Variants in PDE4D observed in about 807,000 individuals in gnomAD.
PDE4D encodes 3',5'-cyclic-AMP phosphodiesterase 4D.
In PDE4D, 24 loss-of-function variants were observed where a neutral mutation model predicts 87.4. The observed-to-expected ratio is 0.27, with a 90% confidence interval of 0.20 to 0.39. PDE4D has a LOEUF of 0.39. PDE4D is among the 10% of genes least tolerant of loss of function. The pLI is 1.00. For synonymous variants in PDE4D, 384 were observed against 383.2 expected (o/e 1.00, Z -0.02); for missense variants, 714 against 1,041.0 (o/e 0.69, Z 4.32).
chr5:59,613,401 CTG>C (rs1202707886), intron 1 of PDE4D, among the ~76,000 whole-genome samples: 1 of 152,128 alleles, frequency 6.6e-6, no homozygotes, highest in Admixed American at 6.6e-5. Context: ...ATATGAAAGT[CTG>C]TATCAGGTGA....
rs1752710059 is a variant in PDE4D, at chr5:59,905,429, T to C, written c.272+83059A>G. Among the ~76,000 whole-genome samples the C allele has an allele frequency of 1.3e-5, 2 of 152,082 alleles. 1 individual carries two copies. The highest frequency in any genetic ancestry group is 1.3e-4 in the Admixed American group (2 of 15,254). The stretch of plus-strand genomic sequence containing the variant: ...GGTCAAGTAACTTAGAAATGATGAA[T>C]CTAAACCAAATCAGTAGTCTCATCA... On this transcript the variant is annotated intron_variant, in intron 3 of 16. Transcript: ENST00000502484.
intron 3 of PDE4D, among the ~76,000 whole-genome samples, chr5:59,954,670 T>C (rs970095378): frequency 1.3e-5 from 2 of 152,196 alleles, no homozygotes; most frequent in Admixed American, 6.5e-5. Context: ...TTTCCCTTCT[T>C]ACCTTTCAGG....
intron 1 of PDE4D, among the ~76,000 whole-genome samples, chr5:60,399,761 C>A (rs1740876879): frequency 6.6e-6 from 1 of 152,278 alleles, no homozygotes; most frequent in Non-Finnish European, 1.5e-5. Flanking sequence ...GCAGGAGCAG[C>A]AGTGATGGCT....
Position 60,024,685 on chromosome 5 carries a change from G to A in PDE4D, c.43-35968C>T, listed in dbSNP as rs1766437203. Among the ~76,000 whole-genome samples, 4 of 151,994 alleles carry A rather than the reference G, an allele frequency of 2.6e-5. No individual in the cohort carries two copies. In the South Asian group the frequency reaches 8.3e-4, roughly 32 times the overall value. ...GCCACAAATTTGTAAGTCATATTTT[G>A]ATGTTCATTTAAAACAGAGGTTTTT... On this transcript the variant is annotated intron_variant, in intron 2 of 16. Coordinates refer to the PDE4D transcript ENST00000502484.
intron 1 of PDE4D, among the ~76,000 whole-genome samples, chr5:60,508,011 T>C (rs543495220): frequency 6.6e-6 from 1 of 152,316 alleles, no homozygotes; most frequent in East Asian, 1.9e-4. Flanking sequence ...AGGATTCAGT[T>C]TCAGCCATGA....
intron 1 of PDE4D, among the ~76,000 whole-genome samples, chr5:59,764,766 G>A (rs754135829): frequency 8.3e-5 from 12 of 143,912 alleles, no homozygotes; most frequent in South Asian, 2.2e-4. Context: ...AGTGATTCTC[G>A]TGCCTCAGCC....
intron 1 of PDE4D, chr5:59,768,470 C>A (rs1763085353): frequency 1.3e-6 from 2 of 1,598,406 alleles, no homozygotes; most frequent in Non-Finnish European, 1.7e-6. Flanking sequence ...TTATCCACTT[C>A]AGGTACTGTT....
intron 1 of PDE4D, among the ~76,000 whole-genome samples, chr5:59,277,685 GT>G (rs1765080033): frequency 6.6e-6 from 1 of 152,140 alleles, no homozygotes; most frequent in Admixed American, 6.6e-5. Context: ...ATGTCTGACT[GT>G]TGAGTTTTCA....
chr5:60,498,520 C>A (rs1467894172), intron 1 of PDE4D, among the ~76,000 whole-genome samples: 1 of 152,186 alleles, frequency 6.6e-6, no homozygotes, highest in Non-Finnish European at 1.5e-5. Context: ...GGGGCCTGGG[C>A]CACAGGGATG....
chr5:59,661,417 T>C (rs1015454992), intron 1 of PDE4D, among the ~76,000 whole-genome samples: 1 of 152,102 alleles, frequency 6.6e-6, no homozygotes, highest in Non-Finnish European at 1.5e-5. Context: ...TAATGACAGA[T>C]AAAGTCAGCA....
intron 3 of PDE4D, among the ~76,000 whole-genome samples, chr5:59,963,770 G>A (rs1039652452): frequency 6.6e-6 from 1 of 152,050 alleles, no homozygotes; most frequent in Non-Finnish European, 1.5e-5. Context: ...CTGTTCAGGT[G>A]AGAAACACAG....
At chr5:59,585,716 A>G (rs796874557) in intron 1 of PDE4D, among the ~76,000 whole-genome samples, 1 of 152,370 alleles carries the variant, frequency 6.6e-6, no homozygotes, top group African/African-American at 2.4e-5. Context: ...GAACCTTAAT[A>G]GATGACCAAA....
At chr5:58,994,572 C>A (rs1748731016) in intron 6 of PDE4D, among the ~76,000 whole-genome samples, 1 of 152,034 alleles carries the variant, frequency 6.6e-6, no homozygotes, top group Admixed American at 6.6e-5. Flanking sequence ...ACCATAAATT[C>A]TCATTTAAGT....
intron 1 of PDE4D, among the ~76,000 whole-genome samples, chr5:59,393,152 A>G (rs1407024528): frequency 6.6e-6 from 1 of 152,160 alleles, no homozygotes; most frequent in Non-Finnish European, 1.5e-5. Flanking sequence ...GACAAAAATC[A>G]AAAGACCTAC....
At chr5:59,224,122 CAAAAAAAAA>C (rs762239197) in intron 1 of PDE4D, among the ~76,000 whole-genome samples, 20 of 21,858 alleles carry the variant, frequency 9.1e-4, no homozygotes, top group South Asian at 1.9e-3. Context: ...CCTGTTTCTA[CAAAAAAAAA>C]AAAAAAAAAA....
chr5:60,237,715 C>G (rs1746587179), intron 1 of PDE4D, among the ~76,000 whole-genome samples: 1 of 151,256 alleles, frequency 6.6e-6, no homozygotes, highest in Non-Finnish European at 1.5e-5. Context: ...GGTGATTACA[C>G]AAATCTACAC....
chr5:59,995,297 C>T (rs970925699), intron 2 of PDE4D, among the ~76,000 whole-genome samples: 33 of 150,964 alleles, frequency 2.2e-4, no homozygotes, highest in Non-Finnish European at 3.8e-4. Context: ...TCAACCATTT[C>T]TCTTTTCTTT....
intron 1 of PDE4D, among the ~76,000 whole-genome samples, chr5:60,517,173 C>G (rs552055549): frequency 1.3e-5 from 2 of 152,338 alleles, no homozygotes; most frequent in South Asian, 4.1e-4. Context: ...CACTGACACA[C>G]CAGCCCCCTG....
At chr5:59,141,574 T>G (rs559307310) in intron 5 of PDE4D, among the ~76,000 whole-genome samples, 1 of 152,356 alleles carries the variant, frequency 6.6e-6, no homozygotes, top group East Asian at 1.9e-4. Context: ...CTAAAGCAGA[T>G]GGGCTGTGTT....
Sources: allele counts gnomAD v4.1 joint callset (sites outside exome capture counted in the v4.1 genomes callset), GRCh38; gene constraint gnomAD v4.1.1; transcripts MANE v1.5; gene names NCBI Gene and HGNC (gene_info 2026-07-23, HGNC 2026-07-21).